GRM8: variants seen among roughly 807,000 people sequenced by gnomAD.
GRM8 encodes the protein glutamate metabotropic receptor 8.
Under a neutral mutation model 87.2 loss-of-function variants are expected in GRM8, and 47 were observed. The ratio of observed to expected loss-of-function variants is 0.54; its 90% CI spans 0.43 to 0.69. The LOEUF (loss-of-function observed/expected upper bound fraction) is 0.69, where lower values mean the gene tolerates loss of function less well. Among genes scored for constraint, GRM8 ranks in the 30% least tolerant of loss-of-function variants. The pLI, the probability that GRM8 is intolerant of heterozygous loss-of-function variation, is 0.00. For synonymous variants in GRM8, 396 were observed against 404.5 expected, an observed-to-expected ratio of 0.98 and a Z score of 0.25; for missense variants, 1,019 against 1,139.2, an observed-to-expected ratio of 0.89 and a Z score of 1.52.
intron 8 of GRM8, among the ~76,000 whole-genome samples, chr7:126,568,090 A>C (rs900416723): frequency 6.6e-6 from 1 of 152,194 alleles, no homozygotes; most frequent in African/African-American, 2.4e-5. Context: ...TTAAAATTAT[A>C]AAAAGAAAAG....
intron 7 of GRM8, among the ~76,000 whole-genome samples, chr7:126,760,925 G>A (rs932989923): frequency 1.3e-5 from 2 of 152,196 alleles, no homozygotes; most frequent in East Asian, 1.9e-4. Context: ...GGGCGGGCTC[G>A]ATGATTCACG....
At chr7:126,502,784 T>C (rs1286053517) in intron 9 of GRM8, among the ~76,000 whole-genome samples, 1 of 152,024 alleles carries the variant, frequency 6.6e-6, no homozygotes, top group Non-Finnish European at 1.5e-5. Flanking sequence ...TTATAATACA[T>C]AATTTGGGGT....
At chr7:126,791,409 A>C (rs1441307170) in intron 6 of GRM8, among the ~76,000 whole-genome samples, 1 of 152,108 alleles carries the variant, frequency 6.6e-6, no homozygotes, top group African/African-American at 2.4e-5. Flanking sequence ...CATTGTCTAC[A>C]TTGTCTTATA....
chr7:127,042,978 G>A (rs546182780), intron 3 of GRM8, among the ~76,000 whole-genome samples: 1 of 152,252 alleles, frequency 6.6e-6, no homozygotes, highest in Admixed American at 6.5e-5. Flanking sequence ...CTTCTCAAAA[G>A]AAGACATTTA....
At chr7:126,815,745 A>G (rs1163578658) in intron 6 of GRM8, among the ~76,000 whole-genome samples, 1 of 152,116 alleles carries the variant, frequency 6.6e-6, no homozygotes, top group East Asian at 1.9e-4. Flanking sequence ...TAAGGACTAT[A>G]AACTATTCTT....
intron 8 of GRM8, among the ~76,000 whole-genome samples, chr7:126,578,158 C>A (rs193218458): frequency 1.4e-4 from 22 of 152,134 alleles, no homozygotes; most frequent in African/African-American, 5.1e-4. Context: ...AAAGCAATAC[C>A]CATCATAATG....
chr7:126,698,065 G>A (rs1195898046), intron 7 of GRM8, among the ~76,000 whole-genome samples: 1 of 152,060 alleles, frequency 6.6e-6, no homozygotes, highest in Non-Finnish European at 1.5e-5. Context: ...AAGTTCTGGA[G>A]GTTTATACAA....
chr7:126,760,808 T>C (rs1007332476), intron 7 of GRM8, among the ~76,000 whole-genome samples: 2 of 152,184 alleles, frequency 1.3e-5, no homozygotes, highest in Non-Finnish European at 2.9e-5. Context: ...GACAAGTAAA[T>C]TTAATCATAA....
intron 7 of GRM8, among the ~76,000 whole-genome samples, chr7:126,682,910 A>G (rs1433524758): frequency 6.6e-6 from 1 of 152,148 alleles, no homozygotes; most frequent in Non-Finnish European, 1.5e-5. Flanking sequence ...TTAGCTGGGC[A>G]TAGTGGCACG....
intron 6 of GRM8, among the ~76,000 whole-genome samples, chr7:126,794,217 T>G (rs1334577275): frequency 6.6e-6 from 1 of 152,124 alleles, no homozygotes; most frequent in African/African-American, 2.4e-5. Flanking sequence ...TCCACATTAT[T>G]TATCCTGATA....
chr7:126,612,093 G>A (rs1343551532), intron 7 of GRM8, among the ~76,000 whole-genome samples: 2 of 151,782 alleles, frequency 1.3e-5, no homozygotes, highest in Non-Finnish European at 2.9e-5. Context: ...TTATATAGTG[G>A]GCTAATAGCA....
At chr7:127,106,463 C>A (rs767582428) in intron 3 of GRM8, 33 bp downstream of exon 3, 6 of 1,560,540 alleles carry the variant, frequency 3.8e-6, no homozygotes, top group Non-Finnish European at 4.4e-6. Flanking sequence ...TCTGTCACCT[C>A]CAAATACAAT....
chr7:127,034,122 A>G (rs148826816), intron 3 of GRM8, among the ~76,000 whole-genome samples: 177 of 152,306 alleles, frequency 1.2e-3, no homozygotes, highest in Non-Finnish European at 2.3e-3. Context: ...TAATTGGTAC[A>G]TCTCTACCAG....
intron 2 of GRM8, among the ~76,000 whole-genome samples, chr7:127,135,617 CAAAAAAAAAAAAAAAAA>C (rs1168682673): frequency 5.4e-5 from 2 of 36,838 alleles, no homozygotes; most frequent in Non-Finnish European, 9.6e-5. Context: ...GACTCCGTCT[CAAAAAAAAAAAAAAAAA>C]AAAAAAAAAA....
chr7:127,227,863 T>G (rs1797438998), intron 2 of GRM8, among the ~76,000 whole-genome samples: 2 of 152,132 alleles, frequency 1.3e-5, no homozygotes, highest in South Asian at 4.1e-4. Flanking sequence ...GCAGTCAGAC[T>G]CCATCCTTGT....
chr7:126,935,906 T>C (rs1806263662), intron 3 of GRM8, among the ~76,000 whole-genome samples: 1 of 152,190 alleles, frequency 6.6e-6, no homozygotes, highest in Admixed American at 6.5e-5. Context: ...CAGTTTCGTC[T>C]ATAGGTTCAG....
chr7:127,047,106 C>T (rs1285395002), intron 3 of GRM8, among the ~76,000 whole-genome samples: 1 of 152,180 alleles, frequency 6.6e-6, no homozygotes, highest in Non-Finnish European at 1.5e-5. Context: ...AAACTACAGC[C>T]TACGCAACCT....
At chr7:126,807,568 C>T (rs999342605) in intron 6 of GRM8, among the ~76,000 whole-genome samples, 3 of 152,066 alleles carry the variant, frequency 2.0e-5, no homozygotes, top group African/African-American at 7.2e-5. Context: ...CCAGGTTTCC[C>T]TTTTGCCTCT....
intron 2 of GRM8, among the ~76,000 whole-genome samples, chr7:127,241,626 G>A (rs1476582917): frequency 2.6e-5 from 4 of 151,870 alleles, no homozygotes; most frequent in South Asian, 2.1e-4. Context: ...TAGTAGAGAC[G>A]GGGTTTCACC....
Sources: allele counts gnomAD v4.1 joint callset (sites outside exome capture counted in the v4.1 genomes callset), GRCh38; gene constraint gnomAD v4.1.1; transcripts MANE v1.5; gene names NCBI Gene and HGNC (gene_info 2026-07-23, HGNC 2026-07-21).